Variants in LTBP1 observed in about 807,000 individuals in gnomAD.
LTBP1 encodes the protein latent transforming growth factor beta binding protein 1, also known as latent-transforming growth factor beta-binding protein 1.
A neutral mutation model predicts 207.6 loss-of-function variants in LTBP1; 129 were observed. That is an observed-to-expected ratio of 0.62 (90% CI 0.54 to 0.72). LTBP1 has a LOEUF of 0.72. LTBP1 is among the 30% of genes least tolerant of loss of function. LTBP1 has a pLI of 0.00. For synonymous variants in LTBP1, 963 were observed against 833.7 expected, an observed-to-expected ratio of 1.16 and a Z score of -2.67; for missense variants, 2,281 against 2,217.2, an observed-to-expected ratio of 1.03 and a Z score of -0.58.
intron 3 of LTBP1, among the ~76,000 whole-genome samples, chr2:33,096,720 G>T (rs2079415614): frequency 6.6e-6 from 1 of 152,170 alleles, no homozygotes; most frequent in African/African-American, 2.4e-5. Flanking sequence ...GGAATTGGTG[G>T]TGATGGGTGT....
intron 3 of LTBP1, among the ~76,000 whole-genome samples, chr2:33,048,488 A>G (rs774290435): frequency 3.9e-5 from 6 of 152,256 alleles, no homozygotes; most frequent in African/African-American, 7.2e-5. Flanking sequence ...TTCCACAGCA[A>G]AGTACTCACA....
chr2:33,095,045 A>G (rs993308718), intron 3 of LTBP1, among the ~76,000 whole-genome samples: 6 of 152,220 alleles, frequency 3.9e-5, no homozygotes, highest in African/African-American at 9.6e-5. Flanking sequence ...TTTGTAGTCT[A>G]ATTACTTAAA....
intron 18 of LTBP1, among the ~76,000 whole-genome samples, chr2:33,277,638 C>G (rs377739035): frequency 6.6e-6 from 1 of 151,866 alleles, no homozygotes; most frequent in Non-Finnish European, 1.5e-5. Context: ...GTATAGATCT[C>G]AAGCACCTCT....
intron 3 of LTBP1, among the ~76,000 whole-genome samples, chr2:33,093,066 C>A (rs2079192741): frequency 6.6e-6 from 1 of 152,140 alleles, no homozygotes; most frequent in South Asian, 2.1e-4. Context: ...ACAGAGCATC[C>A]ACTCTATTAG....
rs70938398 is a variant in LTBP1 at position 33,382,074 on chromosome 2, C to CTTTTTT, written c.4712-7077_4712-7072dup. Among the ~76,000 whole-genome samples, 353 of 46,770 alleles carry CTTTTTT rather than the reference C, an allele frequency of 7.5e-3. 139 individuals carry two copies. The highest frequency in any genetic ancestry group is 9.2e-3 in the Non-Finnish European group (229 of 24,948). 30.7% of individuals were successfully genotyped at this position (46,770 alleles called of 152,430 possible). On this transcript the variant is annotated intron_variant, in intron 31 of 33. Coordinates refer to ENST00000404816, the MANE Select transcript of LTBP1 (RefSeq NM_206943.4). ...TACAGCAGTTAGCGCCCTACTGCTT[C>CTTTTTT]TTTTTTTTTTTTTTTTTTTTTTTTT...
chr2:33,033,984 A>AC (rs1252312544), intron 3 of LTBP1, among the ~76,000 whole-genome samples: 4 of 151,764 alleles, frequency 2.6e-5, no homozygotes, highest in Admixed American at 6.6e-5. Flanking sequence ...CACAGCCCTA[A>AC]CCCCCTCCCC....
At chr2:33,198,299 C>G (rs1351945960) in intron 7 of LTBP1, among the ~76,000 whole-genome samples, 1 of 152,130 alleles carries the variant, frequency 6.6e-6, no homozygotes, top group African/African-American at 2.4e-5. Context: ...ATTCGGTTTG[C>G]TAGTATTTTT....
At position 32,947,354 on chromosome 2, in the gene LTBP1, C is replaced by T. The variant is rs966817908; in HGVS notation, c.30C>T (p.Leu10=). The T allele has an allele frequency of 1.2e-4, 156 of 1,285,048 alleles. 2 individuals carry two copies. The highest frequency in any genetic ancestry group is 9.0e-4 in the Middle Eastern group (3 of 3,336). The allele number at this position is 1,285,048 out of a possible 1,614,324, so 79.6% of individuals were successfully genotyped here. Residue 10 remains leucine, a synonymous_variant, in exon 1 of 34, where the codon CTC becomes CTT. Transcript: ENST00000404816. ...CGGGGGCCTGGCTCAGGTGGGGGCTCCTGCTCTGGGCAGGGCTCCTCGCGT... is the reference window on the plus strand; with the variant it reads ...CGGGGGCCTGGCTCAGGTGGGGGCTTCTGCTCTGGGCAGGGCTCCTCGCGT... The part of the protein sequence containing the change: MAGAWLRWG[L]LLWAGLLASS...
intron 7 of LTBP1, among the ~76,000 whole-genome samples, chr2:33,192,024 G>A (rs1451568864): frequency 6.6e-6 from 1 of 152,134 alleles, no homozygotes; most frequent in Admixed American, 6.5e-5. Context: ...TTGGAGGGTG[G>A]AGGAAAATGG....
At chr2:33,304,086 A>T (rs1349414782) in intron 22 of LTBP1, among the ~76,000 whole-genome samples, 1 of 152,232 alleles carries the variant, frequency 6.6e-6, no homozygotes, top group Non-Finnish European at 1.5e-5. Context: ...ATGAAAAGTC[A>T]AACAAAAGCT....
At chr2:33,292,825 T>C (rs2093800560) in intron 19 of LTBP1, among the ~76,000 whole-genome samples, 6 of 152,212 alleles carry the variant, frequency 3.9e-5, no homozygotes, top group Non-Finnish European at 8.8e-5. Flanking sequence ...CCATCTTTGG[T>C]TCTTTGGAAA....
intron 31 of LTBP1, among the ~76,000 whole-genome samples, chr2:33,370,392 G>A (rs2095052615): frequency 6.6e-6 from 1 of 152,086 alleles, no homozygotes; most frequent in Non-Finnish European, 1.5e-5. Context: ...GTTACCTGGG[G>A]GAGCTTATCA....
intron 9 of LTBP1, 104 bp from the exon 10 acceptor site, chr2:33,243,558 A>AAT: frequency 9.8e-7 from 1 of 1,023,824 alleles, no homozygotes; most frequent in Non-Finnish European, 1.4e-6. Context: ...TTTCACTATA[A>AAT]CTAAAAGATT....
chr2:33,228,328 A>G (rs935697983), intron 9 of LTBP1, among the ~76,000 whole-genome samples: 2 of 152,224 alleles, frequency 1.3e-5, no homozygotes. Context: ...TATCTCCATT[A>G]GCCTTTAAGT....
At chr2:33,087,680 C>CT (rs1303624857) in intron 3 of LTBP1, among the ~76,000 whole-genome samples, 3 of 152,180 alleles carry the variant, frequency 2.0e-5, no homozygotes, top group African/African-American at 7.2e-5. Flanking sequence ...TGTCTCAAAC[C>CT]ATCTTTCAGA....
Position 33,185,291 on chromosome 2 carries a change from A to G in LTBP1, c.1202-1565A>G, listed in dbSNP as rs573712713. On this transcript the variant is annotated intron_variant, in intron 5 of 33. Coordinates refer to ENST00000404816, the MANE Select transcript of LTBP1 (RefSeq NM_206943.4). ...GAGGACTTCCAGGACCAGATGTTTG[A>G]GTAGATAAAATGAGGGGGCAGCACC... 7.2e-5 allele frequency among the ~76,000 whole-genome samples: 11 copies of G among 152,256 alleles called. No homozygotes were observed. The South Asian group carries it at 1.9e-3, about 26-fold the overall frequency.
At chr2:33,390,632 C>T (rs2095307145) in intron 32 of LTBP1, among the ~76,000 whole-genome samples, 1 of 152,038 alleles carries the variant, frequency 6.6e-6, no homozygotes, top group Non-Finnish European at 1.5e-5. Context: ...GGACTACAGG[C>T]ACGTGCCACT....
At chr2:33,057,014 G>A (rs1054874512) in intron 3 of LTBP1, among the ~76,000 whole-genome samples, 4 of 152,184 alleles carry the variant, frequency 2.6e-5, no homozygotes, top group African/African-American at 9.6e-5. Context: ...AGTTCTCCAC[G>A]TCCCCACTAG....
intron 7 of LTBP1, among the ~76,000 whole-genome samples, chr2:33,189,857 C>G (rs1355368751): frequency 1.9e-5 from 2 of 103,054 alleles, no homozygotes; most frequent in Non-Finnish European, 3.9e-5. Context: ...GAAACCCCGT[C>G]TCTACTAAAA....
Sources: allele counts gnomAD v4.1 joint callset (sites outside exome capture counted in the v4.1 genomes callset), GRCh38; gene constraint gnomAD v4.1.1; transcripts MANE v1.5; gene names NCBI Gene and HGNC (gene_info 2026-07-23, HGNC 2026-07-21).